Variants in DCC observed in about 807,000 individuals in gnomAD.
The protein encoded by DCC is netrin receptor DCC.
Under a neutral mutation model 172.5 loss-of-function variants are expected in DCC, and 58 were observed. The ratio of observed to expected loss-of-function variants is 0.34; its 90% CI spans 0.27 to 0.42. The LOEUF (loss-of-function observed/expected upper bound fraction) is 0.42, where lower values mean the gene tolerates loss of function less well. Among genes scored for constraint, DCC ranks in the 10% least tolerant of loss-of-function variants. The pLI, the probability that DCC is intolerant of heterozygous loss-of-function variation, is 1.00. For synonymous variants in DCC, 709 were observed against 644.5 expected (o/e 1.10, Z -1.52); for missense variants, 1,740 against 1,791.0 (o/e 0.97, Z 0.51).
intron 1 of DCC, among the ~76,000 whole-genome samples, chr18:52,666,082 T>G (rs1302407177): frequency 6.6e-6 from 1 of 151,320 alleles, no homozygotes; most frequent in Non-Finnish European, 1.5e-5. Flanking sequence ...AGGTCAGGAG[T>G]TCAAGACCAG....
chr18:52,896,910 T>C (rs1168879048), intron 2 of DCC, among the ~76,000 whole-genome samples: 1 of 152,128 alleles, frequency 6.6e-6, no homozygotes, highest in Non-Finnish European at 1.5e-5. Context: ...CTTTATAAAA[T>C]TCATTCCCTC....
chr18:53,160,994 C>G (rs1396209997), intron 8 of DCC, among the ~76,000 whole-genome samples: 3 of 152,198 alleles, frequency 2.0e-5, no homozygotes, highest in Non-Finnish European at 4.4e-5. Context: ...CATTCTTTCT[C>G]TCTTCTGTGC....
At chr18:52,797,839 C>G (rs1415019312) in intron 2 of DCC, among the ~76,000 whole-genome samples, 1 of 152,194 alleles carries the variant, frequency 6.6e-6, no homozygotes, top group Admixed American at 6.5e-5. Context: ...ACAGTACATT[C>G]ACATGCAGGT....
At chr18:52,834,211 C>T (rs777888430) in intron 2 of DCC, among the ~76,000 whole-genome samples, 39 of 151,782 alleles carry the variant, frequency 2.6e-4, no homozygotes, top group Non-Finnish European at 4.7e-4. Context: ...CATCACAGAA[C>T]ACAAACTCTC....
intron 5 of DCC, among the ~76,000 whole-genome samples, chr18:52,930,492 A>G (rs536080807): frequency 6.6e-6 from 1 of 152,250 alleles, no homozygotes; most frequent in African/African-American, 2.4e-5. Flanking sequence ...ATTTGCTCAT[A>G]TCTGAAGGAA....
intron 7 of DCC, among the ~76,000 whole-genome samples, chr18:53,128,316 T>G (rs1415905518): frequency 1.3e-5 from 2 of 152,148 alleles, no homozygotes; most frequent in Non-Finnish European, 2.9e-5. Context: ...AAAAATAATG[T>G]GGCTAGTCTT....
intron 1 of DCC, among the ~76,000 whole-genome samples, chr18:52,347,880 T>C (rs891605445): frequency 3.9e-5 from 6 of 152,164 alleles, no homozygotes; most frequent in African/African-American, 1.4e-4. Context: ...ACTATACATA[T>C]AGTGTTTGGT....
At chr18:52,723,939 C>A (rs1293189812) in intron 1 of DCC, among the ~76,000 whole-genome samples, 3 of 152,148 alleles carry the variant, frequency 2.0e-5, no homozygotes, top group Non-Finnish European at 4.4e-5. Flanking sequence ...TCATAAACAA[C>A]CAGTCTGTCA....
intron 1 of DCC, among the ~76,000 whole-genome samples, chr18:52,662,803 G>C (rs566320375): frequency 6.6e-6 from 1 of 152,136 alleles, no homozygotes; most frequent in Non-Finnish European, 1.5e-5. Context: ...GTTTCTAGAG[G>C]CTGGGAAGTT....
At chr18:52,530,796 T>C (rs1052865844) in intron 1 of DCC, among the ~76,000 whole-genome samples, 1 of 152,162 alleles carries the variant, frequency 6.6e-6, no homozygotes, top group South Asian at 2.1e-4. Context: ...AGAGAGAGAT[T>C]GTTTCCTTAC....
chr18:52,601,907 T>G (rs2034025361), intron 1 of DCC, among the ~76,000 whole-genome samples: 1 of 152,042 alleles, frequency 6.6e-6, no homozygotes, highest in Non-Finnish European at 1.5e-5. Flanking sequence ...TTTTCTTACT[T>G]TTTTTGACTT....
At chr18:53,189,179 A>G (rs1468586651) in intron 9 of DCC, among the ~76,000 whole-genome samples, 3 of 152,024 alleles carry the variant, frequency 2.0e-5, no homozygotes, top group Non-Finnish European at 2.9e-5. Context: ...ATGTATATAT[A>G]TGTGTGTGTG....
chr18:53,023,964 A>G (rs2041920731), intron 5 of DCC, among the ~76,000 whole-genome samples: 1 of 152,104 alleles, frequency 6.6e-6, no homozygotes, highest in African/African-American at 2.4e-5. Flanking sequence ...ATGTGTATCT[A>G]TATGTTATGG....
At position 53,157,459 on chromosome 18, in the gene DCC, G is replaced by A. The variant is rs769016281; in HGVS notation, c.1365G>A (p.Ala455=). The A allele has an allele frequency of 4.2e-5, 68 of 1,614,116 alleles. No individual in the cohort carries two copies. The highest frequency in any genetic ancestry group is 3.3e-4 in the Middle Eastern group (2 of 6,062). The stretch of plus-strand genomic sequence containing the variant: ...TCAGCTGGCGCCCACCTGCAGAAGC[G>A]AAAGGGAACATTCAAACTTTCACGG... ...VRLSWRPPAE[A]KGNIQTFTVF... is the part of the protein sequence containing the mutation. The change falls in exon 8 of 29, where the codon GCG becomes GCA. Residue 455 remains alanine, a synonymous_variant. Transcript: ENST00000442544.
At chr18:52,554,289 A>G (rs553982516) in intron 1 of DCC, among the ~76,000 whole-genome samples, 6 of 152,244 alleles carry the variant, frequency 3.9e-5, no homozygotes, top group African/African-American at 1.4e-4. Flanking sequence ...ATGACATGCC[A>G]CAGGTTTCCT....
At chr18:53,522,111 T>C (rs959635401) in intron 27 of DCC, among the ~76,000 whole-genome samples, 1 of 152,140 alleles carries the variant, frequency 6.6e-6, no homozygotes, top group Non-Finnish European at 1.5e-5. Context: ...TTAAACTTTG[T>C]GAATTCCTTT....
At chr18:53,334,651 G>T (rs147679633) in intron 14 of DCC, among the ~76,000 whole-genome samples, 1 of 152,090 alleles carries the variant, frequency 6.6e-6, no homozygotes, top group Non-Finnish European at 1.5e-5. Context: ...AACTTCCCTG[G>T]GTACCTCATA....
At chr18:52,787,249 A>G (rs2037676965) in intron 2 of DCC, among the ~76,000 whole-genome samples, 1 of 152,174 alleles carries the variant, frequency 6.6e-6, no homozygotes, top group African/African-American at 2.4e-5. Flanking sequence ...CATAAGTCCC[A>G]TACATTCTTT....
rs924116395 is a variant in DCC, at chr18:52,340,658, A to G, written c.-130A>G. 1 of 776,988 alleles carries G rather than the reference A, an allele frequency of 1.3e-6. No homozygotes were observed. The highest frequency in any genetic ancestry group is 1.7e-5 in the African/African-American group (1 of 59,182). 48.1% of individuals were successfully genotyped at this position (776,988 alleles called of 1,614,324 possible). On this transcript the variant is annotated 5_prime_UTR_variant, in exon 1 of 29. Transcript: ENST00000442544. Reference sequence around the variant, plus strand: ...GAGGTGGAGAAAGAGGTGGAGGAAGAGGACGAGGAGGAGGAGGAAGCCGAA... The same window carrying G: ...GAGGTGGAGAAAGAGGTGGAGGAAGGGGACGAGGAGGAGGAGGAAGCCGAA...
Sources: allele counts gnomAD v4.1 joint callset (sites outside exome capture counted in the v4.1 genomes callset), GRCh38; gene constraint gnomAD v4.1.1; transcripts MANE v1.5; gene names NCBI Gene and HGNC (gene_info 2026-07-23, HGNC 2026-07-21).